Variants in SMOC2 observed in about 807,000 individuals in gnomAD.
SMOC2 encodes the protein SPARC related modular calcium binding 2, also known as SPARC-related modular calcium-binding protein 2.
Under a neutral mutation model 61.4 loss-of-function variants are expected in SMOC2, and 39 were observed. The ratio of observed to expected loss-of-function variants is 0.64; its 90% CI spans 0.49 to 0.83. SMOC2 has a LOEUF of 0.83. Among genes scored for constraint, SMOC2 ranks in the 40% least tolerant of loss-of-function variants. The pLI, the probability that SMOC2 is intolerant of heterozygous loss-of-function variation, is 0.00. For missense variants in SMOC2, 556 were observed against 592.9 expected, an observed-to-expected ratio of 0.94 and a Z score of 0.65; for synonymous variants, 247 against 239.9, an observed-to-expected ratio of 1.03 and a Z score of -0.27.
At chr6:168,539,667 AG>A in intron 4 of SMOC2, among the ~76,000 whole-genome samples, 1 of 152,184 alleles carries the variant, frequency 6.6e-6, no homozygotes, top group Non-Finnish European at 1.5e-5. Flanking sequence ...TGGGGCTTGC[AG>A]GGGGGCACTT....
rs1464200091 is a variant in SMOC2 at position 168,468,929 on chromosome 6, CT to C, written c.84+27476del. Among the ~76,000 whole-genome samples the C allele has an allele frequency of 1.4e-4, 21 of 152,366 alleles. No homozygotes were observed. The East Asian group carries it at 3.7e-3, about 27-fold the overall frequency. Reference sequence around the variant, plus strand: ...ACGTTAAGCAGTTTTATCCATAATTCTGTTTCTTTTCGTCTCAAGAAGAAAC... The same window carrying C: ...ACGTTAAGCAGTTTTATCCATAATTCGTTTCTTTTCGTCTCAAGAAGAAAC... On this transcript the variant is annotated intron_variant, in intron 1 of 12. Coordinates refer to ENST00000356284, the MANE Select transcript of SMOC2 (RefSeq NM_001166412.2).
At chr6:168,495,744 TTCAC>T (rs1233209448) in intron 1 of SMOC2, among the ~76,000 whole-genome samples, 2 of 152,090 alleles carry the variant, frequency 1.3e-5, no homozygotes, top group Non-Finnish European at 2.9e-5. Context: ...AGCTCATGGC[TTCAC>T]TCACCTGCGC....
At chr6:168,610,356 A>G (rs1437090574) in intron 9 of SMOC2, among the ~76,000 whole-genome samples, 1 of 152,212 alleles carries the variant, frequency 6.6e-6, no homozygotes, top group Non-Finnish European at 1.5e-5. Flanking sequence ...TTGGGAGTGC[A>G]CTGTTCATGA....
chr6:168,474,997 C>T (rs1222199948), intron 1 of SMOC2, among the ~76,000 whole-genome samples: 7 of 151,958 alleles, frequency 4.6e-5, no homozygotes, highest in Admixed American at 6.6e-5. Context: ...CTAAGGATTC[C>T]GATACATTTT....
At chr6:168,474,099 C>T (rs9364457) in intron 1 of SMOC2, among the ~76,000 whole-genome samples, 38,052 of 152,038 alleles carry the variant, frequency 0.25, 6,942 homozygotes, top group African/African-American at 0.5. Context: ...TTCCTCTGTT[C>T]ATCCGTGCAT....
chr6:168,601,373 A>T (rs927822633), intron 8 of SMOC2, among the ~76,000 whole-genome samples: 2 of 152,222 alleles, frequency 1.3e-5, no homozygotes, highest in African/African-American at 4.8e-5. Flanking sequence ...GACACTGCAC[A>T]GGGGTGCTGA....
intron 7 of SMOC2, among the ~76,000 whole-genome samples, chr6:168,592,904 G>C (rs371933048): frequency 4.9e-3 from 2 of 408 alleles, no homozygotes; most frequent in Admixed American, 0.021. Context: ...TCTAGAGGAT[G>C]GCCGAGCTCC....
intron 9 of SMOC2, among the ~76,000 whole-genome samples, chr6:168,625,163 T>C (rs777571834): frequency 3.3e-5 from 5 of 152,134 alleles, no homozygotes; most frequent in Non-Finnish European, 7.4e-5. Context: ...GCTCCAGCAG[T>C]AGAAAAGCAC....
Position 168,664,120 on chromosome 6 carries a change from G to T in SMOC2, c.1323+9G>T. On this transcript the variant is annotated intron_variant, in intron 12 of 12. Coordinates refer to ENST00000356284, the MANE Select transcript of SMOC2 (RefSeq NM_001166412.2). ...GTACGTCTAATAGACAGGTAAGTAT[G>T]TTTATATTTTACTCTTAACCATTTC... The T allele has an allele frequency of 6.3e-7, 1 of 1,598,570 alleles. No homozygotes were observed.
chr6:168,619,134 C>CA (rs1200244307), intron 9 of SMOC2, among the ~76,000 whole-genome samples: 12 of 152,092 alleles, frequency 7.9e-5, no homozygotes, highest in Non-Finnish European at 1.8e-4. Flanking sequence ...ATTTTAGAAG[C>CA]AATGTGGCTT....
intron 9 of SMOC2, among the ~76,000 whole-genome samples, chr6:168,630,998 G>GTCCTGTGA (rs1245102681): frequency 2.0e-5 from 3 of 152,188 alleles, no homozygotes; most frequent in Non-Finnish European, 4.4e-5. Context: ...CGGGCCTGTG[G>GTCCTGTGA]TCCTGTGATC....
At chr6:168,518,056 C>T (rs1783187587) in intron 2 of SMOC2, among the ~76,000 whole-genome samples, 1 of 152,240 alleles carries the variant, frequency 6.6e-6, no homozygotes, top group Non-Finnish European at 1.5e-5. Context: ...CGTCCTCGTA[C>T]TCAGCGGCCT....
chr6:168,559,995 T>A (rs1412991240), intron 7 of SMOC2, among the ~76,000 whole-genome samples: 1 of 152,206 alleles, frequency 6.6e-6, no homozygotes, highest in Non-Finnish European at 1.5e-5. Flanking sequence ...TGCTGAGGAA[T>A]TTTATTCATT....
Position 168,526,334 on chromosome 6 carries a change from T to C in SMOC2, c.257-12T>C. 1 of 1,611,476 alleles carries C rather than the reference T, an allele frequency of 6.2e-7. No individual in the cohort carries two copies. Among genetic ancestry groups the C allele is most frequent in the Non-Finnish European group, 8.5e-7 (1 of 1,177,526 alleles). On this transcript the variant is annotated splice_polypyrimidine_tract_variant and intron_variant, in intron 2 of 12. Transcript: ENST00000356284. ...TTGCATAACCACACCTCTGCCCTGT[T>C]CTTCCCTACAGACGTGTCCAGGTGT...
rs148022095 is a variant in SMOC2 at position 168,586,928 on chromosome 6, T to C, written c.638-11890T>C. On this transcript the variant is annotated intron_variant, in intron 7 of 12. Coordinates refer to ENST00000356284, the MANE Select transcript of SMOC2 (RefSeq NM_001166412.2). ...AAAAGTGAAAGTGTTCAGTCTTTTG[T>C]CATTAAATATGATGTTAGCTATAGA... Among the ~76,000 whole-genome samples the C allele has an allele frequency of 9.4e-3, 1,430 of 152,354 alleles. 26 individuals carry two copies. Among genetic ancestry groups the C allele is most frequent in the African/African-American group, 0.033 (1,360 of 41,588 alleles).
At chr6:168,644,649 T>C (rs886808285) in intron 9 of SMOC2, among the ~76,000 whole-genome samples, 1 of 136,428 alleles carries the variant, frequency 7.3e-6, no homozygotes, top group Non-Finnish European at 1.5e-5. Context: ...CCTTTCTTTT[T>C]TTTTTTTTTT....
rs868140418 is a variant in SMOC2, at chr6:168,471,999, C to T, written c.84+30545C>T. ...AGTATTTTCTCCCACTCCGTGTGTG[C>T]GTTTCCACTCTGATGACGGTGTCAT... On this transcript the variant is annotated intron_variant, in intron 1 of 12. Transcript: ENST00000356284. Among the ~76,000 whole-genome samples, 9 of 152,212 alleles carry T rather than the reference C, an allele frequency of 5.9e-5. 1 individual carries two copies. The South Asian group carries it at 6.2e-4, about 11-fold the overall frequency.
At chr6:168,598,586 G>C (rs1397008495) in intron 7 of SMOC2, among the ~76,000 whole-genome samples, 3 of 152,184 alleles carry the variant, frequency 2.0e-5, no homozygotes, top group Non-Finnish European at 4.4e-5. Flanking sequence ...GTCCATCACT[G>C]TGGGTATGCT....
intron 1 of SMOC2, among the ~76,000 whole-genome samples, chr6:168,485,618 A>G (rs1283913686): frequency 2.0e-5 from 3 of 152,206 alleles, no homozygotes; most frequent in Non-Finnish European, 4.4e-5. Flanking sequence ...CAGAATAGGG[A>G]AATCTATAGA....
Sources: allele counts gnomAD v4.1 joint callset (sites outside exome capture counted in the v4.1 genomes callset), GRCh38; gene constraint gnomAD v4.1.1; transcripts MANE v1.5; gene names NCBI Gene and HGNC (gene_info 2026-07-23, HGNC 2026-07-21).